Variants in SND1 observed in about 807,000 individuals in gnomAD.
SND1 encodes staphylococcal nuclease domain-containing protein 1.
In SND1, 38 loss-of-function variants were observed where a neutral mutation model predicts 121.7. The observed-to-expected ratio is 0.31, with a 90% CI of 0.24 to 0.41. The LOEUF (loss-of-function observed/expected upper bound fraction) is 0.41. SND1 is among the 10% of genes least tolerant of loss of function. The pLI is 1.00. For missense variants in SND1, 868 were observed against 1,184.6 expected (o/e 0.73, Z 3.92); for synonymous variants, 401 against 447.4 (o/e 0.90, Z 1.31).
intron 14 of SND1, among the ~76,000 whole-genome samples, chr7:127,911,457 A>T (rs1366278819): frequency 6.6e-6 from 1 of 151,426 alleles, no homozygotes; most frequent in Non-Finnish European, 1.5e-5. Flanking sequence ...TGATCCTCCC[A>T]CCTCAGCCTT....
intron 10 of SND1, among the ~76,000 whole-genome samples, chr7:127,782,967 G>C (rs1336633665): frequency 6.6e-6 from 1 of 152,236 alleles, no homozygotes; most frequent in East Asian, 1.9e-4. Context: ...ACCTAGTGTA[G>C]TAATGTATGT....
chr7:127,678,557 A>T (rs2116283639), intron 1 of SND1, among the ~76,000 whole-genome samples: 1 of 70,086 alleles, frequency 1.4e-5, no homozygotes, highest in African/African-American at 3.8e-5. Flanking sequence ...TCTTGCCAGG[A>T]AAAAAACCAA....
intron 16 of SND1, among the ~76,000 whole-genome samples, chr7:128,073,907 G>GC (rs1793459300): frequency 1.3e-5 from 2 of 152,324 alleles, no homozygotes; most frequent in African/African-American, 4.8e-5. Context: ...TTCAGCCACA[G>GC]CCCACACCCT....
chr7:127,795,150 A>G (rs1214478858), intron 10 of SND1, among the ~76,000 whole-genome samples: 2 of 152,224 alleles, frequency 1.3e-5, no homozygotes, highest in East Asian at 3.8e-4. Flanking sequence ...CTAGGTAGAA[A>G]GATGCTCTTC....
intron 12 of SND1, among the ~76,000 whole-genome samples, chr7:127,882,125 T>C (rs1799803419): frequency 1.3e-5 from 2 of 151,936 alleles, no homozygotes; most frequent in East Asian, 2.0e-4. Flanking sequence ...CATGGTGGCA[T>C]GTGCCTGTAG....
At chr7:127,901,413 G>A (rs1281493977) in intron 13 of SND1, among the ~76,000 whole-genome samples, 4 of 152,252 alleles carry the variant, frequency 2.6e-5, no homozygotes, top group Middle Eastern at 3.4e-3. Flanking sequence ...CTCTTGCTGT[G>A]GCATCAGACT....
chr7:128,009,005 G>C (rs919190584), intron 16 of SND1, among the ~76,000 whole-genome samples: 1 of 152,150 alleles, frequency 6.6e-6, no homozygotes, highest in African/African-American at 2.4e-5. Context: ...ATGGGGAGGT[G>C]TCAGGACTGT....
chr7:127,682,547 T>G (rs1448214344), intron 1 of SND1, among the ~76,000 whole-genome samples: 2 of 152,244 alleles, frequency 1.3e-5, no homozygotes, highest in East Asian at 3.8e-4. Flanking sequence ...CCATTTGACT[T>G]GATTTCTGTG....
chr7:127,997,595 C>CT (rs890699843), intron 16 of SND1: 5 of 439,504 alleles, frequency 1.1e-5, no homozygotes, highest in African/African-American at 1.0e-4. Flanking sequence ...ACAAATCTGA[C>CT]TGTGTAGGTG....
At chr7:127,783,906 C>T (rs1797768249) in intron 10 of SND1, among the ~76,000 whole-genome samples, 1 of 152,122 alleles carries the variant, frequency 6.6e-6, no homozygotes, top group Admixed American at 6.5e-5. Context: ...TTTATATTGA[C>T]ATTTTCATTG....
In SND1 at chr7:128,085,839, AATCCATCTG is replaced by A; in HGVS notation, c.2304+63_2304+71del. On this transcript the variant is annotated intron_variant, in intron 20 of 23. Transcript: ENST00000354725. The surrounding 1 kb of genome is among the most constrained non-coding windows in gnomAD (Gnocchi z 4.4). ...ATCAAACACAGCAGCCCCCGAGTCA[AATCCATCTG>A]ATCTCTCCAAGGTCCCTCTGAGCTT... 1.4e-6 allele frequency: 2 copies of A among 1,395,268 alleles called. No individual in the cohort carries two copies. Among genetic ancestry groups the A allele is most frequent in the Non-Finnish European group, 2.0e-6 (2 of 981,446 alleles). The allele number at this position is 1,395,268 out of a possible 1,614,324, so 86.4% of individuals were successfully genotyped here.
In SND1 at chr7:127,800,780, A is replaced by G. The variant is rs1208794193; in HGVS notation, c.1153-6704A>G. On this transcript the variant is annotated intron_variant, in intron 10 of 23. Transcript: ENST00000354725. ...GAAAGTCCCTGTGTACTTGTCCTCAACCCCATTTTGAGGTTTTCTCTTTCT... is the reference window on the plus strand; with the variant it reads ...GAAAGTCCCTGTGTACTTGTCCTCAGCCCCATTTTGAGGTTTTCTCTTTCT... 2.6e-5 allele frequency among the ~76,000 whole-genome samples: 4 copies of G among 151,990 alleles called. No individual in the cohort carries two copies. In the East Asian group the frequency reaches 5.8e-4, roughly 22 times the overall value.
intron 4 of SND1, among the ~76,000 whole-genome samples, chr7:127,700,954 T>G (rs1407696572): frequency 1.3e-5 from 2 of 152,208 alleles, no homozygotes; most frequent in Non-Finnish European, 2.9e-5. Context: ...TCTTACTATT[T>G]AACCTTTTGT....
At chr7:127,797,191 G>A (rs374896641) in intron 10 of SND1, among the ~76,000 whole-genome samples, 3 of 152,140 alleles carry the variant, frequency 2.0e-5, no homozygotes, top group South Asian at 2.1e-4. Context: ...CTGTGCCCGG[G>A]CTATTTTGCT....
chr7:128,033,999 TGC>T (rs1792701977), intron 16 of SND1, among the ~76,000 whole-genome samples: 1 of 152,226 alleles, frequency 6.6e-6, no homozygotes, highest in Non-Finnish European at 1.5e-5. Flanking sequence ...TGAAAGTAAT[TGC>T]CACACTTGTC....
intron 1 of SND1, among the ~76,000 whole-genome samples, chr7:127,674,417 A>C (rs1795581903): frequency 1.3e-5 from 2 of 152,176 alleles, no homozygotes; most frequent in South Asian, 4.1e-4. Flanking sequence ...CTGTATCTGT[A>C]ACTCTCCTCT....
At chr7:127,721,741 C>G (rs1413479511) in intron 10 of SND1, among the ~76,000 whole-genome samples, 1 of 152,114 alleles carries the variant, frequency 6.6e-6, no homozygotes. Flanking sequence ...AGGAGAAGGT[C>G]TGTATCTCGT....
chr7:127,900,763 A>G (rs994250755), intron 13 of SND1, among the ~76,000 whole-genome samples: 1 of 152,128 alleles, frequency 6.6e-6, no homozygotes, highest in Non-Finnish European at 1.5e-5. Context: ...ATGTGTGTGG[A>G]TATATACTTT....
chr7:127,905,995 T>C (rs1800328220), intron 14 of SND1, among the ~76,000 whole-genome samples: 1 of 152,210 alleles, frequency 6.6e-6, no homozygotes, highest in Non-Finnish European at 1.5e-5. Flanking sequence ...TTTCTGTTGC[T>C]CCTGGTGATT....
Sources: gnomAD v4.1 joint callset for allele counts (sites outside exome capture counted in the v4.1 genomes callset) on GRCh38, gnomAD v4.1.1 for gene constraint, Gnocchi (gnomAD v3.1) non-coding constraint, MANE v1.5 for transcripts, NCBI Gene and HGNC (gene_info 2026-07-23, HGNC 2026-07-21) for gene names.